Variants in DCC observed in about 807,000 individuals in gnomAD.
DCC encodes the protein DCC netrin 1 receptor, also known as netrin receptor DCC.
A neutral mutation model predicts 172.5 loss-of-function variants in DCC; 58 were observed. That is an observed-to-expected ratio of 0.34 (90% CI 0.27 to 0.42). The LOEUF (loss-of-function observed/expected upper bound fraction) is 0.42, where lower values mean the gene tolerates loss of function less well. Among genes scored for constraint, DCC ranks in the 10% least tolerant of loss-of-function variants. DCC has a pLI of 1.00. For synonymous variants in DCC, 709 were observed against 644.5 expected, an observed-to-expected ratio of 1.10 and a Z score of -1.52; for missense variants, 1,740 against 1,791.0, an observed-to-expected ratio of 0.97 and a Z score of 0.51.
chr18:53,179,199 G>A (rs2055156274), intron 9 of DCC, 83 bp downstream of exon 9: 2 of 1,380,304 alleles, frequency 1.4e-6, no homozygotes, highest in Non-Finnish European at 2.0e-6. Context: ...CAGAACCTTT[G>A]CGAAGTGACA....
At chr18:53,240,041 A>AAC (rs1555736767) in intron 12 of DCC, among the ~76,000 whole-genome samples, 116 of 141,260 alleles carry the variant, frequency 8.2e-4, no homozygotes, top group South Asian at 4.5e-3. Flanking sequence ...AAAAAAAAAA[A>AAC]AAAAAAAAAC....
At chr18:52,589,574 T>C (rs939872689) in intron 1 of DCC, among the ~76,000 whole-genome samples, 1 of 152,242 alleles carries the variant, frequency 6.6e-6, no homozygotes, top group Non-Finnish European at 1.5e-5. Context: ...GCCTGGTGTT[T>C]AGTGATGCCT....
chr18:52,638,180 A>C (rs572424447), intron 1 of DCC, among the ~76,000 whole-genome samples: 1 of 152,336 alleles, frequency 6.6e-6, no homozygotes, highest in South Asian at 2.1e-4. Flanking sequence ...CTAAATCTTG[A>C]AACAAATCCT....
intron 9 of DCC, among the ~76,000 whole-genome samples, chr18:53,181,047 T>A (rs2055188957): frequency 1.3e-5 from 2 of 152,220 alleles, no homozygotes; most frequent in South Asian, 4.1e-4. Flanking sequence ...ACACACACAC[T>A]ATATATGGTA....
At chr18:52,593,450 G>A (rs2033844529) in intron 1 of DCC, among the ~76,000 whole-genome samples, 1 of 152,030 alleles carries the variant, frequency 6.6e-6, no homozygotes, top group Admixed American at 6.5e-5. Context: ...AATGGAAATG[G>A]GAAGAAACAA....
chr18:53,443,454 A>G (rs1171990369), intron 22 of DCC, among the ~76,000 whole-genome samples: 1 of 152,232 alleles, frequency 6.6e-6, no homozygotes, highest in Non-Finnish European at 1.5e-5. Context: ...ATTTCAAAAT[A>G]TTACTGCACA....
At chr18:52,462,854 A>G (rs1309514984) in intron 1 of DCC, among the ~76,000 whole-genome samples, 1 of 151,950 alleles carries the variant, frequency 6.6e-6, no homozygotes, top group African/African-American at 2.4e-5. Flanking sequence ...TATGTATTGA[A>G]TGAATGAATG....
chr18:53,530,958 G>A lies in DCC; in HGVS notation c.*305G>A, dbSNP rs1420873691. On this transcript the variant is annotated 3_prime_UTR_variant, in exon 29 of 29. Coordinates refer to ENST00000442544, the MANE Select transcript of DCC (RefSeq NM_005215.4). ...CCTTTGTCACTGCAGTGACCACACTGTCATAACTAATACCTATGTTTTCCT... is the reference window on the plus strand; with the variant it reads ...CCTTTGTCACTGCAGTGACCACACTATCATAACTAATACCTATGTTTTCCT... 3 of 475,848 alleles carry A rather than the reference G, an allele frequency of 6.3e-6. No individual in the cohort carries two copies. The highest frequency in any genetic ancestry group is 3.9e-5 in the African/African-American group (2 of 50,958). 29.5% of individuals were successfully genotyped at this position (475,848 alleles called of 1,614,324 possible).
At chr18:53,027,055 A>C (rs2041964213) in intron 5 of DCC, among the ~76,000 whole-genome samples, 2 of 152,122 alleles carry the variant, frequency 1.3e-5, no homozygotes, top group Non-Finnish European at 2.9e-5. Flanking sequence ...TACAACATAA[A>C]TGCTAATTTC....
At chr18:52,949,545 G>C (rs1407078594) in intron 5 of DCC, among the ~76,000 whole-genome samples, 1 of 151,984 alleles carries the variant, frequency 6.6e-6, no homozygotes, top group South Asian at 2.1e-4. Flanking sequence ...TTGCTTCTTG[G>C]AGTCAGCAGT....
At chr18:52,600,493 T>C (rs2033995058) in intron 1 of DCC, among the ~76,000 whole-genome samples, 1 of 152,202 alleles carries the variant, frequency 6.6e-6, no homozygotes. Context: ...TAACATTTTG[T>C]TTTTGTGGTA....
intron 2 of DCC, among the ~76,000 whole-genome samples, chr18:52,849,222 C>A (rs7506794): frequency 0.082 from 12,501 of 152,128 alleles, 847 homozygotes; most frequent in East Asian, 0.3. Flanking sequence ...CAGCAGGAAC[C>A]TTTATTCTAC....
At chr18:52,879,487 G>A (rs529792007) in intron 2 of DCC, among the ~76,000 whole-genome samples, 54 of 137,892 alleles carry the variant, frequency 3.9e-4, no homozygotes, top group Non-Finnish European at 5.0e-4. Flanking sequence ...GCAGTGGCAC[G>A]ATCTCGGCTC....
chr18:53,494,092 G>A (rs891397064), intron 26 of DCC, among the ~76,000 whole-genome samples: 1 of 152,202 alleles, frequency 6.6e-6, no homozygotes, highest in Non-Finnish European at 1.5e-5. Context: ...TTACCCAGTA[G>A]TCATTCAGGA....
chr18:53,104,477 A>T (rs181096358), intron 7 of DCC, among the ~76,000 whole-genome samples: 54 of 152,156 alleles, frequency 3.5e-4, no homozygotes, highest in Non-Finnish European at 2.8e-4. Flanking sequence ...GCCTTCCACC[A>T]TGATTGGGAG....
chr18:53,109,393 T>A (rs1187154192), intron 7 of DCC, among the ~76,000 whole-genome samples: 1 of 151,666 alleles, frequency 6.6e-6, no homozygotes, highest in African/African-American at 2.4e-5. Flanking sequence ...GTTCTAAAAC[T>A]TCAATATTTA....
At chr18:53,456,499 T>C (rs916824605) in intron 23 of DCC, among the ~76,000 whole-genome samples, 1 of 152,218 alleles carries the variant, frequency 6.6e-6, no homozygotes, top group Non-Finnish European at 1.5e-5. Flanking sequence ...TGAAATACTC[T>C]ATGTCAAATA....
chr18:53,459,195 G>C, intron 23 of DCC, 37 bp from the exon 24 acceptor site: 1 of 1,478,604 alleles, frequency 6.8e-7, no homozygotes, highest in Non-Finnish European at 9.5e-7. Context: ...CCATTGAATA[G>C]AGGTTCTCAC....
At chr18:52,828,758 G>T (rs568239972) in intron 2 of DCC, among the ~76,000 whole-genome samples, 4 of 152,118 alleles carry the variant, frequency 2.6e-5, no homozygotes, top group Non-Finnish European at 5.9e-5. Context: ...GACATCTTTT[G>T]GTTTGGATGC....
Sources: gnomAD v4.1 joint callset for allele counts (sites outside exome capture counted in the v4.1 genomes callset) on GRCh38, gnomAD v4.1.1 for gene constraint, MANE v1.5 for transcripts, NCBI Gene and HGNC (gene_info 2026-07-23, HGNC 2026-07-21) for gene names.